Variants in PHLPP1 observed in about 807,000 individuals in gnomAD.
PHLPP1 encodes the protein PH domain and leucine rich repeat protein phosphatase 1.
Under a neutral mutation model 117.2 loss-of-function variants are expected in PHLPP1, and 42 were observed. The observed-to-expected ratio is 0.36, with a 90% CI of 0.28 to 0.46. The LOEUF (loss-of-function observed/expected upper bound fraction) is 0.46, where lower values mean the gene tolerates loss of function less well. PHLPP1 is among the 20% of genes least tolerant of loss of function. The probability of loss-of-function intolerance (pLI) is 1.00; values close to 1 mark genes in which losing one functional copy is unlikely to be tolerated. For missense variants in PHLPP1, 2,084 were observed against 2,241.9 expected, an observed-to-expected ratio of 0.93 and a Z score of 1.42; for synonymous variants, 1,042 against 970.7, an observed-to-expected ratio of 1.07 and a Z score of -1.37.
intron 1 of PHLPP1, among the ~76,000 whole-genome samples, chr18:62,747,276 C>CT (rs564178033): frequency 0.021 from 2,611 of 123,166 alleles, 139 homozygotes; most frequent in African/African-American, 0.066. Context: ...TCTTCATTTC[C>CT]TTTTTTTTTT....
intron 1 of PHLPP1, among the ~76,000 whole-genome samples, chr18:62,782,663 T>C (rs539108350): frequency 5.4e-4 from 82 of 152,318 alleles, no homozygotes; most frequent in African/African-American, 1.9e-3. Context: ...TTCAATAATA[T>C]GTGATTTTAT....
At chr18:62,938,475 A>G (rs910338591) in intron 10 of PHLPP1, among the ~76,000 whole-genome samples, 23 of 152,248 alleles carry the variant, frequency 1.5e-4, no homozygotes. Context: ...GGTTTTAGGA[A>G]GAATGGCTTA....
intron 8 of PHLPP1, among the ~76,000 whole-genome samples, chr18:62,907,314 T>C (rs1916875574): frequency 2.4e-5 from 1 of 41,096 alleles, no homozygotes; most frequent in Non-Finnish European, 5.9e-5. Context: ...GAGAATGATT[T>C]TGACGAGCTG....
intron 10 of PHLPP1, among the ~76,000 whole-genome samples, chr18:62,928,752 A>G (rs1358679097): frequency 6.6e-6 from 1 of 152,222 alleles, no homozygotes; most frequent in African/African-American, 2.4e-5. Context: ...TAGAACTCAA[A>G]TGTCTACCAC....
Position 62,945,242 on chromosome 18 carries a change from C to G in PHLPP1, c.3295C>G (p.Pro1099Ala), listed in dbSNP as rs1289357953. The G allele has an allele frequency of 3.7e-6, 6 of 1,606,556 alleles. No individual in the cohort carries two copies. The highest frequency in any genetic ancestry group is 5.1e-6 in the Non-Finnish European group (6 of 1,177,612). Residue 1099 changes from proline (P) to alanine (A), a missense_variant, in exon 12 of 17, where the codon CCC becomes GCC. Around this residue, in one of 2 missense-constraint regions of PHLPP1, gnomAD observed 1,365 missense variants for 1,605.9 expected, o/e 0.85. Transcript: ENST00000262719. ...IAHSNCIEVF[P>A]EVMQLPEIKC... ...TCACTCCAACTGCATCGAGGTCTTT[C>G]CCGAAGTTATGCAGCTCCCAGAGAT...
intron 1 of PHLPP1, among the ~76,000 whole-genome samples, chr18:62,809,312 C>A (rs1445416388): frequency 6.6e-6 from 1 of 152,158 alleles, no homozygotes; most frequent in Non-Finnish European, 1.5e-5. Context: ...GGCTCCAAAT[C>A]ATTAATTTGA....
intron 4 of PHLPP1, among the ~76,000 whole-genome samples, chr18:62,876,519 C>G (rs1916053545): frequency 6.6e-6 from 1 of 152,058 alleles, no homozygotes; most frequent in African/African-American, 2.4e-5. Context: ...TCTAAAATTG[C>G]CATCTACTGT....
intron 3 of PHLPP1, among the ~76,000 whole-genome samples, chr18:62,854,613 C>T (rs1915446246): frequency 6.6e-6 from 1 of 151,610 alleles, no homozygotes; most frequent in African/African-American, 2.4e-5. Flanking sequence ...AGAGGAGCCT[C>T]CCTTCTGATG....
At chr18:62,870,460 T>C (rs1915876344) in intron 4 of PHLPP1, among the ~76,000 whole-genome samples, 1 of 152,232 alleles carries the variant, frequency 6.6e-6, no homozygotes, top group African/African-American at 2.4e-5. Flanking sequence ...AAATATGCCA[T>C]ATATTTAGTT....
intron 3 of PHLPP1, among the ~76,000 whole-genome samples, chr18:62,844,263 C>T (rs1915123089): frequency 1.3e-5 from 2 of 152,150 alleles, no homozygotes; most frequent in Admixed American, 1.3e-4. Context: ...CTTTTGAACC[C>T]AGGAGGCGAA....
At chr18:62,751,221 T>C (rs1384985542) in intron 1 of PHLPP1, among the ~76,000 whole-genome samples, 1 of 152,232 alleles carries the variant, frequency 6.6e-6, no homozygotes, top group Admixed American at 6.5e-5. Context: ...TTTCCTAGTA[T>C]AATTATTATT....
chr18:62,822,280 G>GT (rs796719016), intron 1 of PHLPP1, among the ~76,000 whole-genome samples: 4,762 of 95,870 alleles, frequency 0.05, 394 homozygotes, highest in Non-Finnish European at 0.061. Context: ...TTTTTTTTTT[G>GT]TTTTTGTTTT....
intron 1 of PHLPP1, among the ~76,000 whole-genome samples, chr18:62,732,631 A>G (rs1911258873): frequency 6.6e-6 from 1 of 152,238 alleles, no homozygotes; most frequent in Non-Finnish European, 1.5e-5. Context: ...TTATTTAAGA[A>G]ATACATTTTG....
chr18:62,890,365 C>T (rs2144393472), intron 4 of PHLPP1, among the ~76,000 whole-genome samples: 1 of 152,092 alleles, frequency 6.6e-6, no homozygotes, highest in South Asian at 2.1e-4. Context: ...CTCCCTGGTT[C>T]AAGTGATTCT....
At chr18:62,960,290 T>A (rs1412309793) in intron 13 of PHLPP1, among the ~76,000 whole-genome samples, 9 of 152,158 alleles carry the variant, frequency 5.9e-5, no homozygotes, top group Non-Finnish European at 1.3e-4. Context: ...TATGAATATC[T>A]TCACAAGTTA....
Position 62,941,725 on chromosome 18 carries a change from T to C in PHLPP1, c.2968T>C (p.Phe990Leu). ...NLLMKADSLR[F>L]LNASANKLES... is the part of the protein sequence containing the mutation. Reference sequence around the variant, plus strand: ...TGCGTTTTGTCATTGTAGCCTGAGATTCCTGAACGCCTCTGCGAACAAACT... The same window carrying C: ...TGCGTTTTGTCATTGTAGCCTGAGACTCCTGAACGCCTCTGCGAACAAACT... Residue 990 changes from phenylalanine (F) to leucine (L), a missense_variant, in exon 11 of 17, where the codon TTC (phenylalanine) becomes CTC (leucine). Coordinates refer to ENST00000262719, the MANE Select transcript of PHLPP1 (RefSeq NM_194449.4). 1 of 1,611,940 alleles carries C rather than the reference T, an allele frequency of 6.2e-7. No homozygotes were observed. Among genetic ancestry groups the C allele is most frequent in the South Asian group, 1.1e-5 (1 of 90,740 alleles).
intron 4 of PHLPP1, among the ~76,000 whole-genome samples, chr18:62,864,834 A>G (rs1915731524): frequency 6.6e-6 from 1 of 152,196 alleles, no homozygotes; most frequent in African/African-American, 2.4e-5. Flanking sequence ...GTTCACAGGA[A>G]TAAGTAGGAT....
chr18:62,974,787 C>T (rs112381181), intron 15 of PHLPP1, among the ~76,000 whole-genome samples: 111 of 152,240 alleles, frequency 7.3e-4, no homozygotes, highest in Non-Finnish European at 1.4e-3. Context: ...CTAGAATGTC[C>T]TTTCTATGAG....
chr18:62,749,428 C>T (rs1911777745), intron 1 of PHLPP1, among the ~76,000 whole-genome samples: 1 of 152,230 alleles, frequency 6.6e-6, no homozygotes, highest in African/African-American at 2.4e-5. Flanking sequence ...GGCTATTTAA[C>T]TTCTTCCTTT....
Sources: gnomAD v4.1 joint callset for allele counts (sites outside exome capture counted in the v4.1 genomes callset) on GRCh38, gnomAD v4.1.1 for gene constraint, gnomAD v4.1.1 regional missense constraint, MANE v1.5 for transcripts, NCBI Gene and HGNC (gene_info 2026-07-23, HGNC 2026-07-21) for gene names.